The following NEK1 variants were observed in gnomAD, a reference collection of about 807,000 sequenced individuals.
NEK1 encodes serine/threonine-protein kinase Nek1.
A neutral mutation model predicts 182.1 loss-of-function variants in NEK1; 137 were observed. That is an observed-to-expected ratio of 0.75 (90% confidence interval 0.65 to 0.87). The LOEUF is 0.87. Ranked by LOEUF, NEK1 falls within the 40% of genes least tolerant of loss-of-function variation. The pLI, the probability that NEK1 is intolerant of heterozygous loss-of-function variation, is 0.00. For synonymous variants in NEK1, 513 were observed against 492.2 expected (o/e 1.04, Z -0.56); for missense variants, 1,391 against 1,494.4 (o/e 0.93, Z 1.14).
rs185285084 is a variant in NEK1 at position 169,466,744 on chromosome 4, T to C, written c.2435-3349A>G. Among the ~76,000 whole-genome samples the C allele has an allele frequency of 4.5e-3, 683 of 152,142 alleles. 2 individuals are homozygous for C. The highest frequency in any genetic ancestry group is 7.6e-3 in the Non-Finnish European group (517 of 67,976). ...CAGAAGAAAAATGATACAAAATAGA[T>C]ATCTTCTACACAAAAGAAATGAAAA... On this transcript the variant is annotated intron_variant, in intron 26 of 35. Transcript: ENST00000507142.
At chr4:169,568,093 C>T (rs1213897521) in intron 12 of NEK1, among the ~76,000 whole-genome samples, 3 of 152,116 alleles carry the variant, frequency 2.0e-5, no homozygotes, top group Non-Finnish European at 4.4e-5. Flanking sequence ...CCAGATTCAC[C>T]AACAGTTCTG....
chr4:169,411,222 G>GGCCA (rs1401312936), intron 31 of NEK1, among the ~76,000 whole-genome samples: 1 of 151,602 alleles, frequency 6.6e-6, no homozygotes, highest in Non-Finnish European at 1.5e-5. Context: ...CCAAACCTAA[G>GGCCA]GCCACATTTT....
chr4:169,543,452 T>C (rs927395195), intron 18 of NEK1, among the ~76,000 whole-genome samples: 1 of 152,210 alleles, frequency 6.6e-6, no homozygotes, highest in African/African-American at 2.4e-5. Context: ...TTGCTTAGGA[T>C]TGTCTTGGCT....
In NEK1 at chr4:169,427,252, G is replaced by A. The variant is rs913620269; in HGVS notation, c.2886-1018C>T. Among the ~76,000 whole-genome samples, 8 of 150,350 alleles carry A rather than the reference G, an allele frequency of 5.3e-5. No homozygotes were observed. In the East Asian group the frequency reaches 8.0e-4, roughly 15 times the overall value. ...CTCCATTCTCCTGCCTCAGCCTCCC[G>A]AGTAGCTGGGACTACAGGAGCCCGC... On this transcript the variant is annotated intron_variant, in intron 29 of 35. Transcript: ENST00000507142.
rs1342898800 is a variant in NEK1 at position 169,496,872 on chromosome 4, T to C, written c.2007+10165A>G. Among the ~76,000 whole-genome samples, 5 of 152,288 alleles carry C rather than the reference T, an allele frequency of 3.3e-5. No homozygotes were observed. In the East Asian group the frequency reaches 7.7e-4, roughly 24 times the overall value. On this transcript the variant is annotated intron_variant, in intron 23 of 35. Transcript: ENST00000507142. ...ATATTGGTCTAAAATTCTCTTTTTTTGTTGTGTCTCTGCCAGGCTTTGGTA... is the reference window on the plus strand; with the variant it reads ...ATATTGGTCTAAAATTCTCTTTTTTCGTTGTGTCTCTGCCAGGCTTTGGTA...
At chr4:169,596,256 T>A (rs1330444205) in intron 5 of NEK1, among the ~76,000 whole-genome samples, 1 of 152,160 alleles carries the variant, frequency 6.6e-6, no homozygotes, top group African/African-American at 2.4e-5. Context: ...GTAACCTTAG[T>A]AGTTGTTTGA....
chr4:169,404,494 G>A (rs1371936775), intron 32 of NEK1, among the ~76,000 whole-genome samples: 1 of 152,182 alleles, frequency 6.6e-6, no homozygotes, highest in East Asian at 1.9e-4. Context: ...AAAACATTAT[G>A]AGAGTGATAT....
chr4:169,542,458 A>C (rs919570356), intron 18 of NEK1, among the ~76,000 whole-genome samples: 17 of 152,226 alleles, frequency 1.1e-4, no homozygotes, highest in Non-Finnish European at 4.4e-5. Context: ...GCCACAATAA[A>C]CATACATATG....
intron 26 of NEK1, among the ~76,000 whole-genome samples, chr4:169,473,730 C>A (rs557000878): frequency 4.0e-5 from 6 of 151,404 alleles, no homozygotes; most frequent in Non-Finnish European, 7.4e-5. Context: ...CCAAAAAATA[C>A]GAAAGAGAGA....
At chr4:169,537,726 T>A in intron 19 of NEK1, 83 bp downstream of exon 19, 1 of 1,044,248 alleles carries the variant, frequency 9.6e-7, no homozygotes, top group Non-Finnish European at 1.5e-6. Context: ...ACTGTCATTC[T>A]TTTTACTTAC....
At chr4:169,414,690 C>A (rs952637953) in intron 31 of NEK1, among the ~76,000 whole-genome samples, 4 of 152,134 alleles carry the variant, frequency 2.6e-5, no homozygotes, top group African/African-American at 7.2e-5. Flanking sequence ...AATGCATATT[C>A]CTGACCTCTG....
intron 2 of NEK1, among the ~76,000 whole-genome samples, chr4:169,604,350 G>A (rs1258547515): frequency 6.6e-6 from 1 of 152,156 alleles, no homozygotes; most frequent in Non-Finnish European, 1.5e-5. Flanking sequence ...AGTGAAAGCT[G>A]AAAAAAGTGT....
At chr4:169,453,012 C>G (rs554342564) in intron 27 of NEK1, among the ~76,000 whole-genome samples, 7 of 152,146 alleles carry the variant, frequency 4.6e-5, no homozygotes, top group African/African-American at 1.2e-4. Flanking sequence ...TTCCTATACA[C>G]CATTAACAGA....
intron 31 of NEK1, among the ~76,000 whole-genome samples, chr4:169,424,332 A>G (rs1735988292): frequency 1.3e-5 from 2 of 152,160 alleles, no homozygotes; most frequent in South Asian, 4.1e-4. Flanking sequence ...CTCAAGTAAA[A>G]GACTCTATAA....
intron 4 of NEK1, among the ~76,000 whole-genome samples, chr4:169,601,588 T>C (rs1276674871): frequency 6.6e-6 from 1 of 152,152 alleles, no homozygotes; most frequent in African/African-American, 2.4e-5. Flanking sequence ...TCAGTGGTAG[T>C]GGTGGCAGCA....
At chr4:169,495,443 C>T (rs959293809) in intron 23 of NEK1, among the ~76,000 whole-genome samples, 2 of 151,908 alleles carry the variant, frequency 1.3e-5, no homozygotes, top group Non-Finnish European at 1.5e-5. Context: ...GGGGTTTCAC[C>T]GTGTTAGCCA....
At chr4:169,571,967 T>C (rs777854821) in intron 12 of NEK1, among the ~76,000 whole-genome samples, 2 of 151,458 alleles carry the variant, frequency 1.3e-5, no homozygotes, top group Non-Finnish European at 2.9e-5. Flanking sequence ...CTCAATCTCT[T>C]GACATCGTGA....
At chr4:169,486,800 G>C (rs113939613) in intron 23 of NEK1, among the ~76,000 whole-genome samples, 22 of 152,260 alleles carry the variant, frequency 1.4e-4, no homozygotes, top group African/African-American at 5.3e-4. Context: ...ATAAGACAAA[G>C]ATGGAAACAG....
At chr4:169,548,105 G>C (rs1760823604) in intron 18 of NEK1, among the ~76,000 whole-genome samples, 1 of 152,142 alleles carries the variant, frequency 6.6e-6, no homozygotes, top group South Asian at 2.1e-4. Flanking sequence ...CCATCTTTGT[G>C]GATTTATCCA....
Sources: allele counts gnomAD v4.1 joint callset (sites outside exome capture counted in the v4.1 genomes callset), GRCh38; gene constraint gnomAD v4.1.1; transcripts MANE v1.5; gene names NCBI Gene and HGNC (gene_info 2026-07-23, HGNC 2026-07-21).